Variants in EGFLAM observed in about 807,000 individuals in gnomAD.
EGFLAM encodes pikachurin.
EGFLAM carries 79 observed loss-of-function variants against 113.1 expected under a neutral mutation model. The observed-to-expected ratio is 0.70, with a 90% CI of 0.58 to 0.84. The LOEUF (loss-of-function observed/expected upper bound fraction) is 0.84. Ranked by LOEUF, EGFLAM falls within the 40% of genes least tolerant of loss-of-function variation. EGFLAM has a pLI of 0.00. For synonymous variants in EGFLAM, 504 were observed against 487.6 expected, an observed-to-expected ratio of 1.03 and a Z score of -0.44; for missense variants, 1,265 against 1,291.6, an observed-to-expected ratio of 0.98 and a Z score of 0.32.
At chr5:38,445,175 T>TGG (rs1057193157) in intron 17 of EGFLAM, among the ~76,000 whole-genome samples, 1 of 151,946 alleles carries the variant, frequency 6.6e-6, no homozygotes, top group African/African-American at 2.4e-5. Flanking sequence ...AATCTTGCAA[T>TGG]GGGGGGTGGC....
At chr5:38,294,787 C>T (rs1386228190) in intron 1 of EGFLAM, among the ~76,000 whole-genome samples, 3 of 152,124 alleles carry the variant, frequency 2.0e-5, no homozygotes, top group Non-Finnish European at 4.4e-5. Flanking sequence ...TAAGGTTTAA[C>T]TTAAAATCTA....
chr5:38,274,823 G>A (rs1757847302), intron 1 of EGFLAM, among the ~76,000 whole-genome samples: 1 of 152,146 alleles, frequency 6.6e-6, no homozygotes, highest in Non-Finnish European at 1.5e-5. Flanking sequence ...ATACTGTAAG[G>A]TGGTGTATAA....
rs111998120 is a variant in EGFLAM, at chr5:38,360,471, C to T, written c.545+8140C>T. On this transcript the variant is annotated intron_variant, in intron 5 of 21. Coordinates refer to ENST00000322350, the MANE Select transcript of EGFLAM (RefSeq NM_152403.4). ...ACATCTAAAATCCTGTGACTCTGCT[C>T]GTCTAGTATCAAGACGTAGGGGAGG... Among the ~76,000 whole-genome samples, 516 of 152,254 alleles carry T rather than the reference C, an allele frequency of 3.4e-3. 5 individuals are homozygous for T. The highest frequency in any genetic ancestry group is 0.012 in the African/African-American group (504 of 41,532).
chr5:38,274,077 A>G (rs192755689), intron 1 of EGFLAM, among the ~76,000 whole-genome samples: 1 of 152,362 alleles, frequency 6.6e-6, no homozygotes, highest in East Asian at 1.9e-4. Flanking sequence ...AAAATGAAAA[A>G]TATATCAACA....
chr5:38,406,104 TG>T, intron 6 of EGFLAM, 21 bp from the exon 7 acceptor site: 1 of 1,589,974 alleles, frequency 6.3e-7, no homozygotes, highest in Non-Finnish European at 8.6e-7. Flanking sequence ...TGATGAAGGG[TG>T]TGCTGCTTTT....
chr5:38,269,500 T>TC (rs967838186), intron 1 of EGFLAM, among the ~76,000 whole-genome samples: 3 of 151,350 alleles, frequency 2.0e-5, no homozygotes, highest in African/African-American at 7.3e-5. Flanking sequence ...TTCTTTTTTT[T>TC]TTTTTTTTAG....
rs183814959 is a variant in EGFLAM, at chr5:38,458,734, A to C, written c.2771+340A>C. 5.5e-4 allele frequency among the ~76,000 whole-genome samples: 84 copies of C among 152,256 alleles called. 2 individuals are homozygous for C. In the East Asian group the frequency reaches 7.7e-3, roughly 14 times the overall value. On this transcript the variant is annotated intron_variant, in intron 20 of 21. Transcript: ENST00000322350. ...GGTGGCTGACACCTGGAATACCAGC[A>C]CTTGGGGAGGCCGAGGTGGGTGGAT...
At chr5:38,330,369 G>T (rs1028505963) in intron 1 of EGFLAM, among the ~76,000 whole-genome samples, 7 of 152,080 alleles carry the variant, frequency 4.6e-5, no homozygotes, top group African/African-American at 1.7e-4. Context: ...AGGACCCATC[G>T]CCAGTCTTGC....
At chr5:38,295,210 C>CA (rs1347631750) in intron 1 of EGFLAM, among the ~76,000 whole-genome samples, 1 of 152,196 alleles carries the variant, frequency 6.6e-6, no homozygotes, top group Non-Finnish European at 1.5e-5. Context: ...GGCAACACAT[C>CA]ATGGCTAAGA....
At chr5:38,414,679 A>T (rs549344485) in intron 11 of EGFLAM, among the ~76,000 whole-genome samples, 1 of 152,336 alleles carries the variant, frequency 6.6e-6, no homozygotes, top group East Asian at 1.9e-4. Context: ...AAACTGGAAG[A>T]TGACTTGAAA....
rs80063924 is a variant in EGFLAM at position 38,289,309 on chromosome 5, A to T, written c.97+30458A>T. 8.9e-3 allele frequency among the ~76,000 whole-genome samples: 1,298 copies of T among 145,426 alleles called. 22 individuals are homozygous for T. Among genetic ancestry groups the T allele is most frequent in the African/African-American group, 0.03 (1,138 of 38,326 alleles). On this transcript the variant is annotated intron_variant, in intron 1 of 21. Coordinates refer to ENST00000322350, the MANE Select transcript of EGFLAM (RefSeq NM_152403.4). ...TTTCAGTTTCCAGGTCTTATTTCAG[A>T]TTCTTTTTACTTGAAACCTGTAATA...
chr5:38,407,653 A>C, intron 8 of EGFLAM, 152 bp from the exon 9 acceptor site: 1 of 581,346 alleles, frequency 1.7e-6, no homozygotes, highest in Non-Finnish European at 3.0e-6. Context: ...TGAGAGTTGT[A>C]GGTATAAAAA....
intron 19 of EGFLAM, among the ~76,000 whole-genome samples, chr5:38,457,661 T>C (rs189908456): frequency 6.6e-6 from 1 of 152,318 alleles, no homozygotes; most frequent in Admixed American, 6.5e-5. Flanking sequence ...TCTGAGGCTC[T>C]GGGTAGACAT....
intron 1 of EGFLAM, among the ~76,000 whole-genome samples, chr5:38,293,578 G>A (rs561149449): frequency 6.6e-6 from 1 of 152,208 alleles, no homozygotes; most frequent in Admixed American, 6.5e-5. Flanking sequence ...TTTTTCCTTA[G>A]CTGTTTTCCT....
chr5:38,326,043 T>C (rs927564031), intron 1 of EGFLAM, among the ~76,000 whole-genome samples: 1 of 152,136 alleles, frequency 6.6e-6, no homozygotes, highest in Non-Finnish European at 1.5e-5. Flanking sequence ...TGGTGACAGG[T>C]GAGTGTGTGT....
chr5:38,401,444 T>C (rs1350546478), intron 6 of EGFLAM, among the ~76,000 whole-genome samples: 2 of 152,226 alleles, frequency 1.3e-5, no homozygotes, highest in African/African-American at 2.4e-5. Flanking sequence ...AGTCAATTCT[T>C]TTCTGTGGCC....
chr5:38,331,083 G>T (rs1312270232), intron 1 of EGFLAM, among the ~76,000 whole-genome samples: 1 of 152,196 alleles, frequency 6.6e-6, no homozygotes, highest in Non-Finnish European at 1.5e-5. Context: ...TATCAAATTT[G>T]CCAAGGTTTT....
At position 38,337,575 on chromosome 5, in the gene EGFLAM, C is replaced by G. The variant is rs149228822; in HGVS notation, c.153C>G (p.Phe51Leu). The change falls in exon 2 of 22, where the codon TTC becomes TTG. Residue 51 changes from phenylalanine (F) to leucine (L), a missense_variant. Phe to Leu is a conservative substitution (Grantham distance 22). Transcript: ENST00000322350. Reference protein sequence around the residue: ...IKLGALNCTAFSIQWKMPRHP... With the variant: ...IKLGALNCTALSIQWKMPRHP... ...TGGGCGCATTGAACTGTACGGCTTTCAGCATCCAGTGGAAAATGCCAAGGC... is the reference window on the plus strand; with the variant it reads ...TGGGCGCATTGAACTGTACGGCTTTGAGCATCCAGTGGAAAATGCCAAGGC... 1.4e-5 allele frequency: 23 copies of G among 1,607,274 alleles called. No individual in the cohort carries two copies. In the African/African-American group the frequency reaches 3.1e-4, roughly 21 times the overall value.
At chr5:38,315,907 C>T (rs961841343) in intron 1 of EGFLAM, among the ~76,000 whole-genome samples, 3 of 152,042 alleles carry the variant, frequency 2.0e-5, no homozygotes, top group Admixed American at 2.0e-4. Flanking sequence ...GAAACTCTGT[C>T]TCTACTAAAA....
Sources: allele counts gnomAD v4.1 joint callset (sites outside exome capture counted in the v4.1 genomes callset), GRCh38; gene constraint gnomAD v4.1.1; transcripts MANE v1.5; gene names NCBI Gene and HGNC (gene_info 2026-07-23, HGNC 2026-07-21).